Variants in RFTN1 observed in about 807,000 individuals in gnomAD.
RFTN1 encodes the protein raftlin, lipid raft linker 1.
RFTN1 carries 26 observed loss-of-function variants against 46.5 expected under a neutral mutation model. The ratio of observed to expected loss-of-function variants is 0.56; its 90% CI spans 0.41 to 0.78. The LOEUF is 0.78. Among genes scored for constraint, RFTN1 ranks in the 30% least tolerant of loss-of-function variants. RFTN1 has a pLI of 0.00. For synonymous variants in RFTN1, 261 were observed against 284.2 expected (o/e 0.92, Z 0.82); for missense variants, 693 against 718.7 (o/e 0.96, Z 0.41).
At position 16,322,697 on chromosome 3, in the gene RFTN1, A is replaced by G. The variant is rs969869136; in HGVS notation, c.1332+679T>C. On this transcript the variant is annotated intron_variant, in intron 9 of 9. Coordinates refer to ENST00000334133, the MANE Select transcript of RFTN1 (RefSeq NM_015150.2). The surrounding 1 kb of genome is among the most constrained non-coding windows in gnomAD (Gnocchi z 6.2). ...GGTTGCCGACACTTGCACCTCGTAC[A>G]GCCCTTGTGCTCAACCTTCAGGAAT... is the stretch of plus-strand genomic sequence containing the variant. 6.6e-6 allele frequency among the ~76,000 whole-genome samples: 1 copy of G among 152,192 alleles called. No homozygotes were observed. The highest frequency in any genetic ancestry group is 2.4e-5 in the African/African-American group (1 of 41,440).
Position 16,428,012 on chromosome 3 carries a change from T to C in RFTN1, c.332+5839A>G, listed in dbSNP as rs1000157161. 2.7e-5 allele frequency among the ~76,000 whole-genome samples: 4 copies of C among 149,274 alleles called. No individual in the cohort carries two copies. The highest frequency in any genetic ancestry group is 1.0e-4 in the African/African-American group (4 of 39,816). ...AGACTTACCTGGGCAATTATATAATTTGCACATATATTTTGCAGCTCCCTA... is the reference window on the plus strand; with the variant it reads ...AGACTTACCTGGGCAATTATATAATCTGCACATATATTTTGCAGCTCCCTA... On this transcript the variant is annotated intron_variant, in intron 3 of 9. Coordinates refer to ENST00000334133, the MANE Select transcript of RFTN1 (RefSeq NM_015150.2). The surrounding 1 kb of genome is among the most constrained non-coding windows in gnomAD (Gnocchi z 4.7).
rs780539417 is a variant in RFTN1, at chr3:16,446,738, T to C, written c.146-12701A>G. On this transcript the variant is annotated intron_variant, in intron 2 of 9. Coordinates refer to ENST00000334133, the MANE Select transcript of RFTN1 (RefSeq NM_015150.2). The surrounding 1 kb of genome is among the most constrained non-coding windows in gnomAD (Gnocchi z 4.5). ...ACAGCAGAAAATGGAAAACAAGAGA[T>C]TTCCCAAAAAGTGCGGTACCCGAGG... is the stretch of plus-strand genomic sequence containing the variant. Among the ~76,000 whole-genome samples, 16 of 152,102 alleles carry C rather than the reference T, an allele frequency of 1.1e-4. No homozygotes were observed. The highest frequency in any genetic ancestry group is 2.1e-4 in the Non-Finnish European group (14 of 68,020).
In RFTN1 at chr3:16,457,481, C is replaced by T. The variant is rs149581820; in HGVS notation, c.146-23444G>A. On this transcript the variant is annotated intron_variant, in intron 2 of 9. Coordinates refer to ENST00000334133, the MANE Select transcript of RFTN1 (RefSeq NM_015150.2). This position sits in a 1 kb window ranked among gnomAD's most constrained non-coding sequence, Gnocchi z 4.2. ...TCAATAAATGCCGGTTATCATTATA[C>T]CTTCTTTTACGATATACAAGGCATC... 2.0e-3 allele frequency among the ~76,000 whole-genome samples: 303 copies of T among 152,290 alleles called. No homozygotes were observed. The highest frequency in any genetic ancestry group is 3.6e-3 in the Non-Finnish European group (244 of 68,018).
intron 2 of RFTN1, among the ~76,000 whole-genome samples, chr3:16,478,054 T>C (rs1028518679): frequency 6.6e-6 from 1 of 152,224 alleles, no homozygotes; most frequent in African/African-American, 2.4e-5. Context: ...ACCACTCTTG[T>C]TGATGGTCTT....
chr3:16,389,316 A>C (rs1331883593), intron 4 of RFTN1, among the ~76,000 whole-genome samples: 2 of 152,242 alleles, frequency 1.3e-5, no homozygotes, highest in Non-Finnish European at 2.9e-5. Context: ...TAAACTAAGT[A>C]CTTGGGGATG....
chr3:16,435,362 A>G (rs906618493), intron 2 of RFTN1, among the ~76,000 whole-genome samples: 3 of 152,202 alleles, frequency 2.0e-5, no homozygotes, highest in African/African-American at 7.2e-5. Flanking sequence ...TGAGGTCAGG[A>G]GTTTGAGACC....
Position 16,326,800 on chromosome 3 carries a change from A to C in RFTN1, c.1223T>G (p.Leu408Arg). Residue 408 changes from leucine (L) to arginine (R), a missense_variant, in exon 8 of 10, where the codon CTA (leucine) becomes CGA (arginine). Leu to Arg is a moderately radical substitution (Grantham distance 102). Coordinates refer to ENST00000334133, the MANE Select transcript of RFTN1 (RefSeq NM_015150.2). ...AAYGWQLTCVLPTPVVKTTSE... is the reference protein window; with the variant it reads ...AAYGWQLTCVRPTPVVKTTSE... ...GGTAGTCTTGACGACGGGAGTTGGT[A>C]GCACACAGGTGAGCTGCCAGCCATA... 1 of 1,614,196 alleles carries C rather than the reference A, an allele frequency of 6.2e-7. No homozygotes were observed. The highest frequency in any genetic ancestry group is 8.5e-7 in the Non-Finnish European group (1 of 1,180,018).
chr3:16,414,118 C>A (rs1297967981), intron 3 of RFTN1, among the ~76,000 whole-genome samples: 1 of 152,090 alleles, frequency 6.6e-6, no homozygotes, highest in East Asian at 1.9e-4. Context: ...CTCATTCATT[C>A]ATTAAATATG....
rs974331363 is a variant in RFTN1 at position 16,383,071 on chromosome 3, T to C, written c.442-4969A>G. Among the ~76,000 whole-genome samples, 1 of 152,116 alleles carries C rather than the reference T, an allele frequency of 6.6e-6. No homozygotes were observed. The highest frequency in any genetic ancestry group is 2.4e-5 in the African/African-American group (1 of 41,438). On this transcript the variant is annotated intron_variant, in intron 4 of 9. Coordinates refer to ENST00000334133, the MANE Select transcript of RFTN1 (RefSeq NM_015150.2). The surrounding 1 kb of genome is among the most constrained non-coding windows in gnomAD (Gnocchi z 4.0). ...TTCCCTTAGGCCTCAAAATCATACC[T>C]TACAGAAGAGAAAACTGCTTAAGAC...
At chr3:16,324,612 G>GCCCCCC (rs1270315325) in intron 8 of RFTN1, among the ~76,000 whole-genome samples, 1 of 71,066 alleles carries the variant, frequency 1.4e-5, no homozygotes, top group African/African-American at 6.1e-5. Context: ...GAATGTCCCT[G>GCCCCCC]ACCCCCCCCC....
chr3:16,451,751 C>G lies in RFTN1; in HGVS notation c.146-17714G>C. Among the ~76,000 whole-genome samples the G allele has an allele frequency of 6.6e-6, 1 of 152,150 alleles. No individual in the cohort carries two copies. Among genetic ancestry groups the G allele is most frequent in the East Asian group, 1.9e-4 (1 of 5,202 alleles). On this transcript the variant is annotated intron_variant, in intron 2 of 9. Transcript: ENST00000334133. The surrounding 1 kb of genome is among the most constrained non-coding windows in gnomAD (Gnocchi z 4.2). ...AGCGTGATTTTTTTTTCCTTCCTCACAATTTCATAGATGGAAGATTCATTC... is the reference window on the plus strand; with the variant it reads ...AGCGTGATTTTTTTTTCCTTCCTCAGAATTTCATAGATGGAAGATTCATTC...
intron 6 of RFTN1, among the ~76,000 whole-genome samples, chr3:16,362,426 G>A (rs2072891889): frequency 6.6e-6 from 1 of 152,116 alleles, no homozygotes; most frequent in Non-Finnish European, 1.5e-5. Context: ...CACATCACAA[G>A]TATTTTGGGG....
rs1294161477 is a variant in RFTN1 at position 16,465,030 on chromosome 3, CACA to C, written c.145+28692_145+28694del. 6.6e-6 allele frequency among the ~76,000 whole-genome samples: 1 copy of C among 152,144 alleles called. No homozygotes were observed. The highest frequency in any genetic ancestry group is 1.9e-4 in the East Asian group (1 of 5,202). On this transcript the variant is annotated intron_variant, in intron 2 of 9. Transcript: ENST00000334133. This position sits in a 1 kb window ranked among gnomAD's most constrained non-coding sequence, Gnocchi z 5.1. Reference sequence around the variant, plus strand: ...TATTACAATCATTTTTTAAGATTAACACAACAAGGAGAGAGACAGAGGGGAATG... The same window carrying C: ...TATTACAATCATTTTTTAAGATTAACACAAGGAGAGAGACAGAGGGGAATG...
intron 6 of RFTN1, among the ~76,000 whole-genome samples, chr3:16,368,457 G>A (rs968360662): frequency 1.3e-5 from 2 of 152,308 alleles, no homozygotes; most frequent in African/African-American, 4.8e-5. Flanking sequence ...GGATCACGAG[G>A]TCAGGGAACT....
At chr3:16,389,031 AT>A (rs150978702) in intron 4 of RFTN1, among the ~76,000 whole-genome samples, 5,429 of 152,312 alleles carry the variant, frequency 0.036, 136 homozygotes, top group Middle Eastern at 0.082. Context: ...AGTTTAAAGA[AT>A]TTAACCAGGA....
chr3:16,469,109 A>C (rs1006739281), intron 2 of RFTN1, among the ~76,000 whole-genome samples: 5 of 152,236 alleles, frequency 3.3e-5, no homozygotes, highest in Admixed American at 1.3e-4. Flanking sequence ...CATGTGAAAA[A>C]TATCTAGCTG....
At chr3:16,492,741 C>T (rs529579996) in intron 2 of RFTN1, among the ~76,000 whole-genome samples, 1 of 152,354 alleles carries the variant, frequency 6.6e-6, no homozygotes, top group East Asian at 1.9e-4. Context: ...TTCCAACTTA[C>T]AATTAAAACC....
Position 16,316,468 on chromosome 3 carries a change from G to A in RFTN1, c.*360C>T, listed in dbSNP as rs1223126107. ...TTGGTTTGTAGCCCAGGGTGTCCAT[G>A]GATTTGACCCGAATGCTCCCTGGAG... On this transcript the variant is annotated 3_prime_UTR_variant, in exon 10 of 10. Coordinates refer to ENST00000334133, the MANE Select transcript of RFTN1 (RefSeq NM_015150.2). This position sits in a 1 kb window ranked among gnomAD's most constrained non-coding sequence, Gnocchi z 4.5. 6.5e-6 allele frequency: 2 copies of A among 309,020 alleles called. No individual in the cohort carries two copies. Among genetic ancestry groups the A allele is most frequent in the Non-Finnish European group, 1.2e-5 (2 of 163,860 alleles). 19.1% of individuals were successfully genotyped at this position (309,020 alleles called of 1,614,324 possible).
Position 16,448,648 on chromosome 3 carries a change from C to T in RFTN1, c.146-14611G>A, listed in dbSNP as rs2075774564. 6.6e-6 allele frequency among the ~76,000 whole-genome samples: 1 copy of T among 152,102 alleles called. No homozygotes were observed. The highest frequency in any genetic ancestry group is 6.5e-5 in the Admixed American group (1 of 15,268). ...ATGTTTGATGGTTTGCTCCCTGTGT[C>T]CCTTAAATGCCTGCTCTTCAAGAAT... is the stretch of plus-strand genomic sequence containing the variant. On this transcript the variant is annotated intron_variant, in intron 2 of 9. Transcript: ENST00000334133. The surrounding 1 kb of genome is among the most constrained non-coding windows in gnomAD (Gnocchi z 4.1).
Sources: gnomAD v4.1 joint callset for allele counts (sites outside exome capture counted in the v4.1 genomes callset) on GRCh38, gnomAD v4.1.1 for gene constraint, Gnocchi (gnomAD v3.1) non-coding constraint, MANE v1.5 for transcripts, NCBI Gene and HGNC (gene_info 2026-07-23, HGNC 2026-07-21) for gene names.